Variants in CYTH3 observed in about 807,000 individuals in gnomAD.
CYTH3 encodes cytohesin-3.
A neutral mutation model predicts 55.1 loss-of-function variants in CYTH3; 23 were observed. That is an observed-to-expected ratio of 0.42 (90% CI 0.30 to 0.59). The LOEUF is 0.59. Ranked by LOEUF, CYTH3 falls within the 20% of genes least tolerant of loss-of-function variation. The pLI, the probability that CYTH3 is intolerant of heterozygous loss-of-function variation, is 0.20. For synonymous variants in CYTH3, 249 were observed against 194.9 expected (o/e 1.28, Z -2.31); for missense variants, 413 against 524.8 (o/e 0.79, Z 2.08).
intron 4 of CYTH3, among the ~76,000 whole-genome samples, chr7:6,185,560 C>T (rs936705237): frequency 6.6e-6 from 1 of 151,956 alleles, no homozygotes; most frequent in East Asian, 1.9e-4. Context: ...ATTAGCCGGG[C>T]ATGGTGGCAG....
At chr7:6,223,574 A>G (rs1055829404) in intron 1 of CYTH3, among the ~76,000 whole-genome samples, 2 of 152,168 alleles carry the variant, frequency 1.3e-5, no homozygotes, top group African/African-American at 4.8e-5. Context: ...GTGTCAACTC[A>G]GGGTTAAATG....
chr7:6,214,955 G>C (rs1179192551), intron 1 of CYTH3, among the ~76,000 whole-genome samples: 1 of 151,988 alleles, frequency 6.6e-6, no homozygotes, highest in African/African-American at 2.4e-5. Flanking sequence ...AAAAAAAAGA[G>C]TAAGGTTATT....
chr7:6,252,115 T>C (rs556930717), intron 1 of CYTH3, among the ~76,000 whole-genome samples: 4 of 152,356 alleles, frequency 2.6e-5, no homozygotes, highest in African/African-American at 7.2e-5. Flanking sequence ...TAGGCAAATG[T>C]GGAATGTAGT....
intron 1 of CYTH3, among the ~76,000 whole-genome samples, chr7:6,233,014 G>A (rs1177837632): frequency 6.6e-6 from 1 of 152,086 alleles, no homozygotes; most frequent in Non-Finnish European, 1.5e-5. Flanking sequence ...TACTTCTACA[G>A]TCCATTCTCT....
chr7:6,250,886 G>A (rs1363179369), intron 1 of CYTH3, among the ~76,000 whole-genome samples: 2 of 152,182 alleles, frequency 1.3e-5, no homozygotes. Flanking sequence ...TACACTGAAG[G>A]TGCACAGTCC....
At chr7:6,236,249 G>A (rs1379939141) in intron 1 of CYTH3, among the ~76,000 whole-genome samples, 2 of 151,982 alleles carry the variant, frequency 1.3e-5, no homozygotes, top group African/African-American at 2.4e-5. Context: ...TGTTGCCCAG[G>A]CTGGAGTACA....
At chr7:6,268,251 T>A (rs1780556484) in intron 1 of CYTH3, among the ~76,000 whole-genome samples, 1 of 152,182 alleles carries the variant, frequency 6.6e-6, no homozygotes, top group Middle Eastern at 3.2e-3. Flanking sequence ...CACCGCAACC[T>A]GCACCTCCCA....
chr7:6,249,261 G>C (rs1404399439), intron 1 of CYTH3, among the ~76,000 whole-genome samples: 1 of 152,128 alleles, frequency 6.6e-6, no homozygotes, highest in Non-Finnish European at 1.5e-5. Flanking sequence ...CCCTTTACTG[G>C]AGAAGCCGCA....
At chr7:6,182,178 G>A (rs953629965) in intron 4 of CYTH3, among the ~76,000 whole-genome samples, 1 of 152,010 alleles carries the variant, frequency 6.6e-6, no homozygotes, top group Non-Finnish European at 1.5e-5. Context: ...CTCCCGAGTA[G>A]CTGAGATTAC....
intron 1 of CYTH3, among the ~76,000 whole-genome samples, chr7:6,200,446 C>A (rs1220388875): frequency 6.6e-6 from 1 of 152,186 alleles, no homozygotes; most frequent in Non-Finnish European, 1.5e-5. Flanking sequence ...ATAATACGTA[C>A]CCTGAACAAA....
Position 6,165,578 on chromosome 7 carries a change from G to C in CYTH3, c.939C>G (p.Leu313=), listed in dbSNP as rs1235786978. 1.2e-6 allele frequency: 2 copies of C among 1,614,122 alleles called. No individual in the cohort carries two copies. The highest frequency in any genetic ancestry group is 8.5e-7 in the Non-Finnish European group (1 of 1,179,996). Residue 313 remains leucine (L), a synonymous_variant, in exon 11 of 13, where the codon CTC becomes CTG. Transcript: ENST00000350796. ...GGGGGTCCTCCACCTCCCTGATGCT[G>C]AGGTTTTCCAACGGGATGATTCCCC... ...EPRGIIPLEN[L]SIREVEDPRK... is the part of the protein sequence containing the mutation.
At chr7:6,172,662 A>C (rs1018559158) in intron 6 of CYTH3, 1 of 1,015,146 alleles carries the variant, frequency 9.9e-7, no homozygotes, top group African/African-American at 1.7e-5. Flanking sequence ...CTCTCGCCAG[A>C]GACTGATGGA....
chr7:6,248,061 A>G (rs1779866017), intron 1 of CYTH3, among the ~76,000 whole-genome samples: 1 of 152,024 alleles, frequency 6.6e-6, no homozygotes, highest in African/African-American at 2.4e-5. Flanking sequence ...GTTTATTAAG[A>G]ACAGCACAAA....
At chr7:6,185,228 T>C (rs1783605304) in intron 4 of CYTH3, among the ~76,000 whole-genome samples, 1 of 152,220 alleles carries the variant, frequency 6.6e-6, no homozygotes, top group Non-Finnish European at 1.5e-5. Context: ...GTTTTCACAG[T>C]GGCTAGAGTG....
At chr7:6,240,469 A>G (rs1208712154) in intron 1 of CYTH3, among the ~76,000 whole-genome samples, 1 of 152,166 alleles carries the variant, frequency 6.6e-6, no homozygotes, top group African/African-American at 2.4e-5. Context: ...CTAAAATACC[A>G]TGGTCTCAAT....
chr7:6,171,445 G>A lies in CYTH3; in HGVS notation c.450-131C>T. 2 of 710,496 alleles carry A rather than the reference G, an allele frequency of 2.8e-6. No homozygotes were observed. The highest frequency in any genetic ancestry group is 4.8e-6 in the Non-Finnish European group (2 of 420,228). 44.0% of individuals were successfully genotyped at this position (710,496 alleles called of 1,614,324 possible). On this transcript the variant is annotated intron_variant, in intron 6 of 12. Coordinates refer to ENST00000350796, the MANE Select transcript of CYTH3 (RefSeq NM_004227.4). This position sits in a 1 kb window ranked among gnomAD's most constrained non-coding sequence, Gnocchi z 6.7. ...GGGGTACAGCTCTGGCAGGGGCTTG[G>A]GGGCGCAGAGACAGAAAGGAGAAGA... is the stretch of plus-strand genomic sequence containing the variant.
Position 6,165,151 on chromosome 7 carries a change from T to A in CYTH3, c.1127+122A>T, listed in dbSNP as rs2128535198. 1.4e-5 allele frequency: 21 copies of A among 1,554,826 alleles called. No individual in the cohort carries two copies. The South Asian group carries it at 2.5e-4, about 18-fold the overall frequency. On this transcript the variant is annotated intron_variant, in intron 12 of 12. Coordinates refer to ENST00000350796, the MANE Select transcript of CYTH3 (RefSeq NM_004227.4). ...CGTCGGCTTTGGCAGCCCGGCCCTC[T>A]GGGGTTTCTGGAGACAGAAGGTCCA...
At chr7:6,253,880 C>A (rs945173572) in intron 1 of CYTH3, among the ~76,000 whole-genome samples, 2 of 151,732 alleles carry the variant, frequency 1.3e-5, no homozygotes, top group African/African-American at 4.8e-5. Context: ...GTAATCCCAA[C>A]TACTCGGGAG....
intron 4 of CYTH3, among the ~76,000 whole-genome samples, chr7:6,179,416 G>A (rs1783419810): frequency 6.6e-6 from 1 of 152,078 alleles, no homozygotes; most frequent in South Asian, 2.1e-4. Flanking sequence ...CTGGGTTGCA[G>A]TTATGTGAGT....
Sources: gnomAD v4.1 joint callset for allele counts (sites outside exome capture counted in the v4.1 genomes callset) on GRCh38, gnomAD v4.1.1 for gene constraint, Gnocchi (gnomAD v3.1) non-coding constraint, MANE v1.5 for transcripts, NCBI Gene and HGNC (gene_info 2026-07-23, HGNC 2026-07-21) for gene names.